TNS1: variants seen among roughly 807,000 people sequenced by gnomAD.
TNS1 encodes the protein tensin 1.
Under a neutral mutation model 168.6 loss-of-function variants are expected in TNS1, and 62 were observed. The observed-to-expected ratio is 0.37, with a 90% CI of 0.30 to 0.45. The LOEUF is 0.45. Ranked by LOEUF, TNS1 falls within the 20% of genes least tolerant of loss-of-function variation. TNS1 has a pLI of 1.00. For missense variants in TNS1, 2,240 were observed against 2,339.4 expected (o/e 0.96, Z 0.88); for synonymous variants, 934 against 933.2 (o/e 1.00, Z -0.02).
At chr2:218,017,145 C>T (rs1020659987) in intron 1 of TNS1, among the ~76,000 whole-genome samples, 5 of 152,348 alleles carry the variant, frequency 3.3e-5, no homozygotes, top group South Asian at 2.1e-4. Context: ...CTCAAGACCC[C>T]AGCTGCAGCC....
chr2:217,882,269 CA>C (rs1186285058), intron 17 of TNS1, 76 bp downstream of exon 17: 2 of 1,017,976 alleles, frequency 2.0e-6, no homozygotes, highest in Middle Eastern at 2.0e-4. Flanking sequence ...TGGAACAGAC[CA>C]GGGGTGGAAG....
chr2:217,869,665 T>C (rs1949599611), intron 18 of TNS1, among the ~76,000 whole-genome samples: 1 of 152,234 alleles, frequency 6.6e-6, no homozygotes, highest in South Asian at 2.1e-4. Flanking sequence ...ATGCAGGCTC[T>C]GTGGACGCAT....
At chr2:217,885,541 C>A (rs1003675278) in intron 15 of TNS1, among the ~76,000 whole-genome samples, 1 of 152,218 alleles carries the variant, frequency 6.6e-6, no homozygotes, top group Non-Finnish European at 1.5e-5. Context: ...CCTGGAGATG[C>A]TCCAGAACAA....
chr2:217,818,744 A>G lies in TNS1; in HGVS notation c.3588T>C (p.Ser1196=). Residue 1196 remains serine (S), a synonymous_variant, in exon 24 of 33, where the codon AGT becomes AGC. Coordinates refer to ENST00000682258, the MANE Select transcript of TNS1 (RefSeq NM_001387777.1). ...ILSADSTSVG[S]FPSGESSDQG... ...GGTCACTGCTCTCTCCCGACGGGAA[A>G]CTCCCCACTGAAGTGCTGCAGAGAG... The G allele has an allele frequency of 6.2e-7, 1 of 1,610,958 alleles. No homozygotes were observed.
chr2:218,027,584 C>G (rs1449844151), intron 1 of TNS1, among the ~76,000 whole-genome samples: 1 of 152,086 alleles, frequency 6.6e-6, no homozygotes, highest in Admixed American at 6.5e-5. Flanking sequence ...GCTCTAGAAA[C>G]AGGTGACAGC....
intron 28 of TNS1, among the ~76,000 whole-genome samples, chr2:217,811,421 A>T (rs914319720): frequency 6.6e-6 from 1 of 152,232 alleles, no homozygotes; most frequent in South Asian, 2.1e-4. Flanking sequence ...ACCATTAATA[A>T]TTCAATGAAC....
intron 3 of TNS1, among the ~76,000 whole-genome samples, chr2:217,973,846 G>A (rs1213376130): frequency 1.3e-5 from 2 of 151,444 alleles, no homozygotes; most frequent in Non-Finnish European, 2.9e-5. Flanking sequence ...TTCATAGCAG[G>A]TCTGCTCCTA....
intron 3 of TNS1, among the ~76,000 whole-genome samples, chr2:217,924,631 G>T (rs1324203887): frequency 2.0e-5 from 3 of 152,216 alleles, no homozygotes; most frequent in African/African-American, 7.2e-5. Flanking sequence ...CACCTACTAT[G>T]CACCAGGCAC....
chr2:217,966,279 G>A (rs1214804750), intron 3 of TNS1, among the ~76,000 whole-genome samples: 2 of 140,900 alleles, frequency 1.4e-5, no homozygotes, highest in Non-Finnish European at 3.0e-5. Context: ...GTGTGTGTGT[G>A]TGTGTGTGTG....
chr2:217,815,394 C>T (rs1387269781), intron 24 of TNS1: 2 of 199,380 alleles, frequency 1.0e-5, no homozygotes, highest in African/African-American at 4.5e-5. Context: ...TTTTGGACTT[C>T]TAGCCTCCAG....
intron 21 of TNS1, among the ~76,000 whole-genome samples, chr2:217,832,962 A>G (rs1168672103): frequency 1.3e-5 from 2 of 152,104 alleles, no homozygotes; most frequent in African/African-American, 4.8e-5. Flanking sequence ...ACATAGACAC[A>G]CACAGATTCT....
chr2:217,908,342 G>T (rs1953945846), intron 4 of TNS1, among the ~76,000 whole-genome samples: 1 of 152,176 alleles, frequency 6.6e-6, no homozygotes, highest in Non-Finnish European at 1.5e-5. Flanking sequence ...AATCTGAGAG[G>T]ATTCTGATCC....
rs1574795368 is a variant in TNS1 at position 217,848,738 on chromosome 2, T to C, written c.1779A>G (p.Ala593=). Residue 593 remains alanine (A), a synonymous_variant, in exon 19 of 33, where the codon GCA becomes GCG. Coordinates refer to ENST00000682258, the MANE Select transcript of TNS1 (RefSeq NM_001387777.1). ...YHTQHLRSRP[A]GGSAVPSSGR... Reference sequence around the variant, plus strand: ...CAGAGGAGGGCACAGCCGAGCCCCCTGCTGGGCGGGACCTGAGGTGCTGGG... The same window carrying C: ...CAGAGGAGGGCACAGCCGAGCCCCCCGCTGGGCGGGACCTGAGGTGCTGGG... 6.2e-7 allele frequency: 1 copy of C among 1,614,114 alleles called. No homozygotes were observed. Among genetic ancestry groups the C allele is most frequent in the Non-Finnish European group, 8.5e-7 (1 of 1,180,040 alleles).
intron 3 of TNS1, among the ~76,000 whole-genome samples, chr2:217,960,033 G>T (rs1397092889): frequency 6.6e-6 from 1 of 152,030 alleles, no homozygotes; most frequent in African/African-American, 2.4e-5. Context: ...AGCTGCAGAG[G>T]GTCTAGAAGG....
At chr2:217,953,588 G>A (rs973528148) in intron 3 of TNS1, among the ~76,000 whole-genome samples, 1 of 152,152 alleles carries the variant, frequency 6.6e-6, no homozygotes, top group Non-Finnish European at 1.5e-5. Flanking sequence ...CCCTGGCTGG[G>A]GGACCCTGGC....
In TNS1 at chr2:217,809,857, C is replaced by T; in HGVS notation, c.5239G>A (p.Ala1747Thr). ...TTGTCAGTCAGAGTGATTCCCTGGGCAGAGACTTTGAAGTGAACGATGGTG... is the reference window on the plus strand; with the variant it reads ...TTGTCAGTCAGAGTGATTCCCTGGGTAGAGACTTTGAAGTGAACGATGGTG... ...AATIVHFKVS[A>T]QGITLTDNQR... Residue 1747 changes from alanine to threonine, a missense_variant, in exon 30 of 33, where the codon GCC becomes ACC. By Grantham distance (58) the Ala-to-Thr change is moderately conservative. Transcript: ENST00000682258. 2.5e-6 allele frequency: 4 copies of T among 1,614,008 alleles called. No individual in the cohort carries two copies. Among genetic ancestry groups the T allele is most frequent in the Non-Finnish European group, 3.4e-6 (4 of 1,179,974 alleles).
At chr2:218,003,510 C>T (rs996551274), upstream of TNS1, among the ~76,000 whole-genome samples, 7 of 151,324 alleles carry the variant, frequency 4.6e-5, no homozygotes, top group African/African-American at 9.8e-5. Flanking sequence ...CTGGTGCCCA[C>T]GCGCCAAGCT....
chr2:217,831,631 G>A, intron 21 of TNS1, 84 bp from the exon 22 acceptor site: 2 of 1,143,702 alleles, frequency 1.7e-6, no homozygotes, highest in Non-Finnish European at 2.3e-6. Flanking sequence ...GGCACGCTTA[G>A]TGAGGGCTGG....
chr2:217,934,300 G>A (rs776461804), intron 3 of TNS1, among the ~76,000 whole-genome samples: 1 of 152,188 alleles, frequency 6.6e-6, no homozygotes, highest in Non-Finnish European at 1.5e-5. Flanking sequence ...GAGAGGCAGA[G>A]GGGATGAGGT....
Sources: gnomAD v4.1 joint callset for allele counts (sites outside exome capture counted in the v4.1 genomes callset) on GRCh38, gnomAD v4.1.1 for gene constraint, MANE v1.5 for transcripts, NCBI Gene and HGNC (gene_info 2026-07-23, HGNC 2026-07-21) for gene names.